NOL6: variants seen among roughly 807,000 people sequenced by gnomAD.
The protein encoded by NOL6 is nucleolar RNA-associated protein.
Under a neutral mutation model 131.7 loss-of-function variants are expected in NOL6, and 33 were observed. That is an observed-to-expected ratio of 0.25 (90% CI 0.19 to 0.33). The LOEUF (loss-of-function observed/expected upper bound fraction) is 0.33, where lower values mean the gene tolerates loss of function less well. Among genes scored for constraint, NOL6 ranks in the 10% least tolerant of loss-of-function variants. NOL6 has a pLI of 1.00. For missense variants in NOL6, 1,297 were observed against 1,494.5 expected (o/e 0.87, Z 2.18); for synonymous variants, 580 against 605.7 (o/e 0.96, Z 0.62).
intron 1 of NOL6, chr9:33,472,626 C>T: frequency 1.7e-6 from 1 of 586,056 alleles, no homozygotes; most frequent in East Asian, 2.9e-5. Flanking sequence ...GCTCTCCTGT[C>T]TACCTGACAC....
Position 33,468,807 on chromosome 9 carries a change from C to A in NOL6, c.1092G>T (p.Lys364Asn), listed in dbSNP as rs759039170. Residue 364 changes from lysine to asparagine, a missense_variant, in exon 8 of 26, where the codon AAG becomes AAT. By Grantham distance (94) the Lys-to-Asn change is moderately conservative. Coordinates refer to ENST00000297990, the MANE Select transcript of NOL6 (RefSeq NM_022917.5). ...GGTAGCCACTCATGGTGGTATGGAT[C>A]TTGCGTGTAGACACAAGGAAGACAA... is the stretch of plus-strand genomic sequence containing the variant. ...MLVVFLVSTR[K>N]IHTTMSGYQV... The A allele has an allele frequency of 6.2e-6, 10 of 1,614,070 alleles. No individual in the cohort carries two copies. The Admixed American group carries it at 1.5e-4, about 24-fold the overall frequency.
intron 15 of NOL6, 96 bp downstream of exon 15, chr9:33,466,816 A>T: frequency 1.3e-6 from 2 of 1,574,176 alleles, no homozygotes; most frequent in Middle Eastern, 1.8e-4. Flanking sequence ...CGCCTGCTGG[A>T]CATGCCAGGA....
At position 33,466,372 on chromosome 9, in the gene NOL6, C is replaced by A. The variant is rs777900735; in HGVS notation, c.2145G>T (p.Arg715=). Residue 715 remains arginine, a synonymous_variant, in exon 17 of 26, where the codon CGG becomes CGT. Transcript: ENST00000297990. ...GCCGGGGCAGCAGTGAGGACCGCTC[C>A]CGCAGAGTCTCATAGAAGGAGAAGG... is the stretch of plus-strand genomic sequence containing the variant. ...RPAFSFYETL[R]ERSSLLPRLD... 2 of 1,614,216 alleles carry A rather than the reference C, an allele frequency of 1.2e-6. No homozygotes were observed. Among genetic ancestry groups the A allele is most frequent in the South Asian group, 2.2e-5 (2 of 91,086 alleles).
rs1450685873 is a variant in NOL6 at position 33,468,515 on chromosome 9, G to C, written c.1199C>G (p.Pro400Arg). ...GGCCCTTCCCCAACTCACCAAAGAGGGATCTGAGCTGAGACATAAACTGAT... is the reference window on the plus strand; with the variant it reads ...GGCCCTTCCCCAACTCACCAAAGAGCGATCTGAGCTGAGACATAAACTGAT... The part of the protein sequence containing the change: ...NGISLCLSSD[P>R]SLPALADFHQ... Residue 400 changes from proline to arginine, a missense_variant, in exon 9 of 26, where the codon CCC becomes CGC. Physicochemically the swap from Pro to Arg is moderately radical, Grantham distance 103. Coordinates refer to ENST00000297990, the MANE Select transcript of NOL6 (RefSeq NM_022917.5). 6.2e-7 allele frequency: 1 copy of C among 1,614,084 alleles called. No homozygotes were observed. The highest frequency in any genetic ancestry group is 8.5e-7 in the Non-Finnish European group (1 of 1,179,974).
At position 33,466,315 on chromosome 9, in the gene NOL6, G is replaced by T. The variant is rs1446591227; in HGVS notation, c.2202C>A (p.Pro734=). ...LDKPCPAYVE[P]MTVVCHLEGS... The stretch of plus-strand genomic sequence containing the variant: ...TCCCAAGGGCCCTCTTACCGGTCAT[G>T]GGCTCCACGTAGGCCGGACAGGGCT... The change falls in exon 17 of 26, where the codon CCC becomes CCA. Residue 734 remains proline (P), a synonymous_variant. Transcript: ENST00000297990. 3 of 1,614,038 alleles carry T rather than the reference G, an allele frequency of 1.9e-6. No homozygotes were observed.
chr9:33,463,755 G>A, intron 23 of NOL6, 76 bp downstream of exon 23: 1 of 1,480,146 alleles, frequency 6.8e-7, no homozygotes, highest in Non-Finnish European at 9.4e-7. Context: ...CGGGTCTCCT[G>A]TGAGATCCCT....
chr9:33,464,196 C>A, intron 21 of NOL6, 35 bp from the exon 22 acceptor site: 1 of 1,575,668 alleles, frequency 6.3e-7, no homozygotes, highest in Non-Finnish European at 8.6e-7. Flanking sequence ...TCAGCCTGCT[C>A]CTCCCTGTAA....
chr9:33,465,279 C>A lies in NOL6; in HGVS notation c.2609G>T (p.Gly870Val). Residue 870 changes from glycine (G) to valine (V), a missense_variant, in exon 20 of 26, where the codon GGT becomes GTT. Coordinates refer to ENST00000297990, the MANE Select transcript of NOL6 (RefSeq NM_022917.5). ...RWVRAQLLGEGFADESLDLVA... is the reference protein window; with the variant it reads ...RWVRAQLLGEVFADESLDLVA... Reference sequence around the variant, plus strand: ...CAGATCCAGGCTCTCATCAGCGAAACCCTCACCAAGAAGCTGGGCACGCAC... The same window carrying A: ...CAGATCCAGGCTCTCATCAGCGAAAACCTCACCAAGAAGCTGGGCACGCAC... The A allele has an allele frequency of 6.3e-7, 1 of 1,596,632 alleles. No homozygotes were observed.
intron 18 of NOL6, 70 bp downstream of exon 18, chr9:33,466,001 T>C (rs1827229871): frequency 1.3e-6 from 2 of 1,560,034 alleles, no homozygotes; most frequent in Admixed American, 1.8e-5. Flanking sequence ...CACAGGGGTG[T>C]CTTCTTCCAC....
Position 33,463,213 on chromosome 9 carries a change from C to A in NOL6, c.3189+34G>T, listed in dbSNP as rs377252545. The A allele has an allele frequency of 1.9e-6, 3 of 1,609,926 alleles. No individual in the cohort carries two copies. In the African/African-American group the frequency reaches 4.0e-5, roughly 22 times the overall value. On this transcript the variant is annotated intron_variant, in intron 24 of 25. Coordinates refer to ENST00000297990, the MANE Select transcript of NOL6 (RefSeq NM_022917.5). ...ACAGCCTCAGCTTCACCTGGAAGTC[C>A]CCTCCCCAGGTCATTCAGCTGTTTA...
chr9:33,467,615 G>A lies in NOL6; in HGVS notation c.1602+76C>T. ...CTAGAAACGCCTAGCTGGAGGAATGGTGTGTCCTTTGTGTCTCTTGGGACC... is the reference window on the plus strand; with the variant it reads ...CTAGAAACGCCTAGCTGGAGGAATGATGTGTCCTTTGTGTCTCTTGGGACC... On this transcript the variant is annotated intron_variant, in intron 12 of 25. Coordinates refer to ENST00000297990, the MANE Select transcript of NOL6 (RefSeq NM_022917.5). The surrounding 1 kb of genome is among the most constrained non-coding windows in gnomAD (Gnocchi z 4.4). 1.3e-6 allele frequency: 2 copies of A among 1,568,236 alleles called. No individual in the cohort carries two copies. Among genetic ancestry groups the A allele is most frequent in the Non-Finnish European group, 1.7e-6 (2 of 1,155,496 alleles).
At chr9:33,468,659 G>C (rs1827318591) in intron 8 of NOL6, 93 bp from the exon 9 acceptor site, 1 of 1,608,054 alleles carries the variant, frequency 6.2e-7, no homozygotes, top group Non-Finnish European at 8.5e-7. Context: ...TTGCTCATCT[G>C]TCTGATGGCA....
chr9:33,472,588 G>T (rs1218129296), intron 1 of NOL6, 176 bp from the exon 2 acceptor site: 2 of 617,388 alleles, frequency 3.2e-6, no homozygotes, highest in Non-Finnish European at 5.7e-6. Context: ...ATCACTGAGC[G>T]CTGAGCCGAA....
chr9:33,462,304 C>A lies in NOL6; in HGVS notation c.*360G>T. 1 of 703,856 alleles carries A rather than the reference C, an allele frequency of 1.4e-6. No individual in the cohort carries two copies. Among genetic ancestry groups the A allele is most frequent in the Non-Finnish European group, 2.6e-6 (1 of 378,746 alleles). The allele number at this position is 703,856 out of a possible 1,614,324, so 43.6% of individuals were successfully genotyped here. On this transcript the variant is annotated 3_prime_UTR_variant, in exon 26 of 26. Coordinates refer to ENST00000297990, the MANE Select transcript of NOL6 (RefSeq NM_022917.5). ...GACAGAGCCTCTCCCAGGCACACAT[C>A]CCCTTCTCTGTTTCTGGAAGAAGAC...
At chr9:33,468,172 G>T in intron 10 of NOL6, 27 bp from the exon 11 acceptor site, 1 of 1,614,154 alleles carries the variant, frequency 6.2e-7, no homozygotes, top group East Asian at 2.2e-5. Context: ...GACCATCCCT[G>T]TGCCCTTCAT....
Position 33,469,670 on chromosome 9 carries a change from G to A in NOL6, c.559-3C>T. 2 of 1,609,344 alleles carry A rather than the reference G, an allele frequency of 1.2e-6. No individual in the cohort carries two copies. The highest frequency in any genetic ancestry group is 1.7e-6 in the Non-Finnish European group (2 of 1,178,730). ...CCGTCCTTGTCCTGTAGGATTTCCT[G>A]GAGGGGCCAGGGGAGAAGAGAAGGC... On this transcript the variant is annotated splice_polypyrimidine_tract_variant and splice_region_variant and intron_variant, in intron 4 of 25. Coordinates refer to ENST00000297990, the MANE Select transcript of NOL6 (RefSeq NM_022917.5).
intron 23 of NOL6, 65 bp from the exon 24 acceptor site, chr9:33,463,506 C>T: frequency 7.1e-7 from 1 of 1,414,972 alleles, no homozygotes; most frequent in Non-Finnish European, 9.6e-7. Flanking sequence ...CCACAAACCT[C>T]TCCACACGCC....
rs1340538432 is a variant in NOL6 at position 33,470,206 on chromosome 9, A to T, written c.379-15T>A. On this transcript the variant is annotated splice_polypyrimidine_tract_variant and intron_variant, in intron 3 of 25. Transcript: ENST00000297990. ...TGGTCAGTGAGCTGTGGGGGCAGAGACAGGGACACATACTGATTCAACTGC... is the reference window on the plus strand; with the variant it reads ...TGGTCAGTGAGCTGTGGGGGCAGAGTCAGGGACACATACTGATTCAACTGC... The T allele has an allele frequency of 1.3e-6, 2 of 1,553,152 alleles. No homozygotes were observed. Among genetic ancestry groups the T allele is most frequent in the Non-Finnish European group, 1.7e-6 (2 of 1,145,020 alleles).
chr9:33,463,051 G>A lies in NOL6; in HGVS notation c.3273C>T (p.Phe1091=). The change falls in exon 25 of 26, where the codon TTC becomes TTT. Residue 1091 remains phenylalanine, a synonymous_variant. Transcript: ENST00000297990. ...VIGVLWKPTS[F]QPQPFKASST... Reference sequence around the variant, plus strand: ...AGCACACCTTGAAGGGCTGCGGCTGGAAGCTGGTGGGCTTCCAGAGGACAC... The same window carrying A: ...AGCACACCTTGAAGGGCTGCGGCTGAAAGCTGGTGGGCTTCCAGAGGACAC... 6.2e-7 allele frequency: 1 copy of A among 1,613,758 alleles called. No homozygotes were observed. Among genetic ancestry groups the A allele is most frequent in the Non-Finnish European group, 8.5e-7 (1 of 1,179,856 alleles).
Sources: allele counts gnomAD v4.1 joint callset, GRCh38; gene constraint gnomAD v4.1.1; non-coding constraint Gnocchi (gnomAD v3.1); transcripts MANE v1.5; gene names NCBI Gene and HGNC (gene_info 2026-07-23, HGNC 2026-07-21).